The following ATP2A1 variants were observed in gnomAD, a reference collection of about 807,000 sequenced individuals.
ATP2A1 encodes sarcoplasmic/endoplasmic reticulum calcium ATPase 1.
Under a neutral mutation model 109.5 loss-of-function variants are expected in ATP2A1, and 83 were observed. That is an observed-to-expected ratio of 0.76 (90% CI 0.63 to 0.91). The LOEUF (loss-of-function observed/expected upper bound fraction) is 0.91. Among genes scored for constraint, ATP2A1 ranks in the 40% least tolerant of loss-of-function variants. The pLI, the probability that ATP2A1 is intolerant of heterozygous loss-of-function variation, is 0.00. For synonymous variants in ATP2A1, 505 were observed against 537.6 expected (o/e 0.94, Z 0.84); for missense variants, 1,101 against 1,341.0 (o/e 0.82, Z 2.80).
chr16:28,882,202 G>A (rs1358253326), intron 4 of ATP2A1, among the ~76,000 whole-genome samples: 2 of 138,448 alleles, frequency 1.4e-5, no homozygotes, highest in African/African-American at 2.7e-5. Flanking sequence ...CAAGTGATCC[G>A]CCTGCCTCAG....
intron 14 of ATP2A1, 114 bp from the exon 15 acceptor site, chr16:28,900,467 A>ACCCCACCCCACCACATCCAGTCCATTCAC: frequency 1.8e-6 from 1 of 557,328 alleles, no homozygotes. Flanking sequence ...CAGGCTTCCC[A>ACCCCACCCCACCACATCCAGTCCATTCAC]CCCCTCCCCA....
chr16:28,881,557 T>C (rs141707875), intron 4 of ATP2A1: 3 of 198,468 alleles, frequency 1.5e-5, no homozygotes, highest in Non-Finnish European at 3.1e-5. Context: ...CTTTCATACT[T>C]TGGGAGGCCG....
rs1387944640 is a variant in ATP2A1, at chr16:28,883,111, GC to G, written c.463+526del. ...CCGGGGAGGAGGGAGCTCAAGGAGG[GC>G]CCCGCCCGCGGCAAGGGACACTTAA... On this transcript the variant is annotated intron_variant, in intron 5 of 22. Coordinates refer to ENST00000395503, the MANE Select transcript of ATP2A1 (RefSeq NM_004320.6). This position sits in a 1 kb window ranked among gnomAD's most constrained non-coding sequence, Gnocchi z 5.2. 2.0e-5 allele frequency among the ~76,000 whole-genome samples: 3 copies of G among 152,238 alleles called. No individual in the cohort carries two copies. The highest frequency in any genetic ancestry group is 2.1e-4 in the South Asian group (1 of 4,832).
chr16:28,887,362 T>C (rs1963642581), intron 7 of ATP2A1, 63 bp from the exon 8 acceptor site: 1 of 1,612,384 alleles, frequency 6.2e-7, no homozygotes. Context: ...AGAGATGGCG[T>C]GGGGAGATGC....
intron 9 of ATP2A1, chr16:28,892,732 C>T (rs1963807282): frequency 6.6e-6 from 1 of 152,272 alleles, no homozygotes; most frequent in Non-Finnish European, 1.5e-5. Flanking sequence ...AGACCACAGG[C>T]TCGTGTGACT....
chr16:28,893,689 G>A (rs1223282170), intron 9 of ATP2A1, among the ~76,000 whole-genome samples: 3 of 136,796 alleles, frequency 2.2e-5, no homozygotes, highest in Non-Finnish European at 3.0e-5. Flanking sequence ...GGCTCTTGTC[G>A]CCCAGGCTGG....
Position 28,880,244 on chromosome 16 carries a change from C to A in ATP2A1, c.219+661C>A. The A allele has an allele frequency of 1.6e-6, 1 of 634,496 alleles. No individual in the cohort carries two copies. The highest frequency in any genetic ancestry group is 2.0e-6 in the Non-Finnish European group (1 of 505,166). The allele number at this position is 634,496 out of a possible 1,614,324, so 39.3% of individuals were successfully genotyped here. On this transcript the variant is annotated intron_variant, in intron 3 of 22. Transcript: ENST00000395503. The surrounding 1 kb of genome is among the most constrained non-coding windows in gnomAD (Gnocchi z 4.2). ...GGCTACTCCCCATCCCGCGGTCCAT[C>A]TGCATGTCGCGGGTTCTTCCGCAGC... is the stretch of plus-strand genomic sequence containing the variant.
rs773893947 is a variant in ATP2A1, at chr16:28,902,013, C to T, written c.2251C>T (p.Arg751Cys). The stretch of plus-strand genomic sequence containing the variant: ...CATCGTAGCTGCTGTGGAGGAGGGC[C>T]GCGCCATCTACAACAACATGAAGCA... The part of the protein sequence containing the change: ...STIVAAVEEG[R>C]AIYNNMKQFI... Residue 751 changes from arginine to cysteine, a missense_variant, in exon 16 of 23, where the codon CGC becomes TGC. Transcript: ENST00000395503. The surrounding 1 kb of genome is among the most constrained non-coding windows in gnomAD (Gnocchi z 4.8). The T allele has an allele frequency of 1.1e-5, 18 of 1,614,070 alleles. No individual in the cohort carries two copies. The highest frequency in any genetic ancestry group is 1.7e-5 in the Admixed American group (1 of 59,996).
At chr16:28,879,243 C>CCT in intron 2 of ATP2A1, 127 bp downstream of exon 2, 1 of 1,297,586 alleles carries the variant, frequency 7.7e-7, no homozygotes, top group South Asian at 1.2e-5. Flanking sequence ...AATCTCCCTC[C>CCT]CTAAAGGTTA....
At chr16:28,890,175 AT>A (rs1963729808) in intron 9 of ATP2A1, among the ~76,000 whole-genome samples, 2 of 151,758 alleles carry the variant, frequency 1.3e-5, no homozygotes. Context: ...ATAAAATAAA[AT>A]AAGCCAGGGG....
Position 28,902,095 on chromosome 16 carries a change from G to A in ATP2A1, c.2321+12G>A. ...GGCGAGGTGGTCTGGTGAGCAGCTGGGTGGGCGTCCAGGAGGAAGCCGGGG... is the reference window on the plus strand; with the variant it reads ...GGCGAGGTGGTCTGGTGAGCAGCTGAGTGGGCGTCCAGGAGGAAGCCGGGG... On this transcript the variant is annotated intron_variant, in intron 16 of 22. Coordinates refer to ENST00000395503, the MANE Select transcript of ATP2A1 (RefSeq NM_004320.6). The surrounding 1 kb of genome is among the most constrained non-coding windows in gnomAD (Gnocchi z 4.8). The A allele has an allele frequency of 1.2e-6, 2 of 1,614,202 alleles. No homozygotes were observed. The highest frequency in any genetic ancestry group is 1.3e-5 in the African/African-American group (1 of 75,060).
In ATP2A1 at chr16:28,882,445, C is replaced by A; in HGVS notation, c.325-6C>A. 1 of 1,614,154 alleles carries A rather than the reference C, an allele frequency of 6.2e-7. No homozygotes were observed. Among genetic ancestry groups the A allele is most frequent in the East Asian group, 2.2e-5 (1 of 44,870 alleles). ...TAACCCTGCCTCCTCCACCCTGTCT[C>A]CTCAGGAGCGGAACGCAGAGAACGC... On this transcript the variant is annotated splice_polypyrimidine_tract_variant and splice_region_variant and intron_variant, in intron 4 of 22. Coordinates refer to ENST00000395503, the MANE Select transcript of ATP2A1 (RefSeq NM_004320.6).
At chr16:28,897,921 G>T in intron 12 of ATP2A1, 79 bp from the exon 13 acceptor site, 1 of 1,564,232 alleles carries the variant, frequency 6.4e-7, no homozygotes. Flanking sequence ...CTCAGCCTTA[G>T]CTTGGGGTCT....
chr16:28,889,316 G>T (rs576012724), intron 9 of ATP2A1, among the ~76,000 whole-genome samples: 2 of 152,194 alleles, frequency 1.3e-5, no homozygotes, highest in East Asian at 3.9e-4. Context: ...GAGTGCAGTG[G>T]TGTGATCTTG....
Position 28,888,770 on chromosome 16 carries a change from T to G in ATP2A1, c.929-17T>G. 389 of 848,172 alleles carry G rather than the reference T, an allele frequency of 4.6e-4. No individual in the cohort carries two copies. The highest frequency in any genetic ancestry group is 6.6e-4 in the Non-Finnish European group (353 of 532,184). 52.5% of individuals were successfully genotyped at this position (848,172 alleles called of 1,614,324 possible). A position where few individuals can be genotyped will look rare whatever the true frequency, so the allele number is the denominator to read the frequency against. On this transcript the variant is annotated splice_polypyrimidine_tract_variant and intron_variant, in intron 8 of 22. Transcript: ENST00000395503. Reference sequence around the variant, plus strand: ...TCCCCTTGCAGGTTCCCTCACACCCTCCCTCCCTCCCCACAGGTCTTCCTG... The same window carrying G: ...TCCCCTTGCAGGTTCCCTCACACCCGCCCTCCCTCCCCACAGGTCTTCCTG...
chr16:28,878,611 CCCA>C lies in ATP2A1; in HGVS notation c.-59_-57del. Reference sequence around the variant, plus strand: ...CAGTTGGACACACTGAGGAAGACCCCCCACGAGTGGGAACCCCCTGGAAGGAAC... The same window carrying C: ...CAGTTGGACACACTGAGGAAGACCCCCGAGTGGGAACCCCCTGGAAGGAAC... On this transcript the variant is annotated 5_prime_UTR_variant, in exon 1 of 23. Transcript: ENST00000395503. 7.1e-7 allele frequency: 1 copy of C among 1,403,006 alleles called. No homozygotes were observed. 86.9% of individuals were successfully genotyped at this position (1,403,006 alleles called of 1,614,324 possible). A position where few individuals can be genotyped will look rare whatever the true frequency, so the allele number is the denominator to read the frequency against.
At chr16:28,899,704 T>C (rs1964017294) in intron 14 of ATP2A1, among the ~76,000 whole-genome samples, 1 of 121,870 alleles carries the variant, frequency 8.2e-6, no homozygotes, top group Non-Finnish European at 1.6e-5. Context: ...CTCACACCTA[T>C]AATGCCAGCA....
chr16:28,888,154 TC>T (rs1406668147), intron 8 of ATP2A1, among the ~76,000 whole-genome samples: 1 of 151,836 alleles, frequency 6.6e-6, no homozygotes, highest in Non-Finnish European at 1.5e-5. Context: ...TGCCTCTGCC[TC>T]CCAAGTAGCT....
chr16:28,882,700 T>G (rs1309070494), intron 5 of ATP2A1, 111 bp downstream of exon 5: 2 of 1,500,786 alleles, frequency 1.3e-6, no homozygotes, highest in African/African-American at 2.8e-5. Context: ...TGACGGAGTC[T>G]GCTTCTCTTT....
Sources: allele counts gnomAD v4.1 joint callset (sites outside exome capture counted in the v4.1 genomes callset), GRCh38; gene constraint gnomAD v4.1.1; non-coding constraint Gnocchi (gnomAD v3.1); transcripts MANE v1.5; gene names NCBI Gene and HGNC (gene_info 2026-07-23, HGNC 2026-07-21).